The following FBXW8 variants were observed in gnomAD, a reference collection of about 807,000 sequenced individuals.
The protein encoded by FBXW8 is F-box/WD repeat-containing protein 8.
A neutral mutation model predicts 65.3 loss-of-function variants in FBXW8; 57 were observed. The observed-to-expected ratio is 0.87, with a 90% confidence interval of 0.71 to 1.09. FBXW8 has a LOEUF of 1.09. FBXW8 is among the 50% of genes least tolerant of loss of function. The pLI is 0.00. For missense variants in FBXW8, 777 were observed against 814.8 expected (o/e 0.95, Z 0.57); for synonymous variants, 308 against 330.2 (o/e 0.93, Z 0.73).
intron 5 of FBXW8, among the ~76,000 whole-genome samples, chr12:116,970,771 C>T (rs557225822): frequency 1.3e-5 from 2 of 152,184 alleles, no homozygotes; most frequent in African/African-American, 2.4e-5. Flanking sequence ...GCATTGCTTG[C>T]GAGAAGGCTA....
chr12:117,024,043 A>T (rs189868091), intron 8 of FBXW8, 104 bp from the exon 9 acceptor site: 1 of 1,210,242 alleles, frequency 8.3e-7, no homozygotes, highest in Admixed American at 2.3e-5. Context: ...GGAGTTTTTC[A>T]TAGCAGTGTT....
chr12:116,979,084 G>A (rs1231282011), intron 5 of FBXW8: 1 of 152,220 alleles, frequency 6.6e-6, no homozygotes, highest in Non-Finnish European at 1.5e-5. Flanking sequence ...TATGGTCCTT[G>A]TTCCCATGAC....
chr12:116,962,384 A>C (rs1004598418), intron 4 of FBXW8, among the ~76,000 whole-genome samples: 3 of 152,022 alleles, frequency 2.0e-5, no homozygotes, highest in Non-Finnish European at 4.4e-5. Flanking sequence ...TTTTGCTGTC[A>C]TTTTGGCTCC....
chr12:116,929,516 T>C (rs1447810252), intron 2 of FBXW8, among the ~76,000 whole-genome samples: 1 of 151,706 alleles, frequency 6.6e-6, no homozygotes, highest in Non-Finnish European at 1.5e-5. Context: ...ATTACAGGCA[T>C]GAGCCACTGG....
rs757400706 is a variant in FBXW8, at chr12:116,985,326, C to G, written c.956C>G (p.Ala319Gly). Residue 319 changes from alanine to glycine, a missense_variant, in exon 6 of 11, where the codon GCT (alanine) becomes GGT (glycine). Transcript: ENST00000652555. The stretch of plus-strand genomic sequence containing the variant: ...GATGCAACCGTGGCCACAGCTTCTG[C>G]TTTTGATGTCGTGATGTTATCCCCC... ...QDDATVATAS[A>G]FDVVMLSPNE... 144 of 1,614,112 alleles carry G rather than the reference C, an allele frequency of 8.9e-5. No homozygotes were observed. Among genetic ancestry groups the G allele is most frequent in the Non-Finnish European group, 1.2e-4 (139 of 1,180,050 alleles).
At chr12:117,007,439 G>A (rs1308309557) in intron 7 of FBXW8, among the ~76,000 whole-genome samples, 1 of 152,174 alleles carries the variant, frequency 6.6e-6, no homozygotes, top group African/African-American at 2.4e-5. Context: ...CCTCAACATG[G>A]TTTAGCTGTT....
At chr12:116,982,744 A>G (rs1273069515) in intron 5 of FBXW8, among the ~76,000 whole-genome samples, 3 of 152,088 alleles carry the variant, frequency 2.0e-5, no homozygotes, top group African/African-American at 4.8e-5. Context: ...AGCAAAGCCA[A>G]TACTTGATTA....
intron 7 of FBXW8, among the ~76,000 whole-genome samples, chr12:116,991,811 T>C (rs1392073030): frequency 6.6e-6 from 1 of 152,242 alleles, no homozygotes; most frequent in Non-Finnish European, 1.5e-5. Context: ...AAATTGACTT[T>C]TAGTCAGAAA....
At chr12:116,916,911 T>TGTGTGAGA (rs59006120) in intron 1 of FBXW8, among the ~76,000 whole-genome samples, 57,324 of 145,368 alleles carry the variant, frequency 0.39, 12,982 homozygotes, top group Admixed American at 0.58. Flanking sequence ...TGTGTGTGTG[T>TGTGTGAGA]GAGAGAGAGA....
At chr12:116,922,613 G>A (rs973301892) in intron 1 of FBXW8, among the ~76,000 whole-genome samples, 1 of 152,128 alleles carries the variant, frequency 6.6e-6, no homozygotes, top group Non-Finnish European at 1.5e-5. Flanking sequence ...ATTTCTAACA[G>A]TAAGGCACAA....
chr12:117,018,945 A>C (rs1160633354), intron 8 of FBXW8, among the ~76,000 whole-genome samples: 4 of 151,934 alleles, frequency 2.6e-5, no homozygotes, highest in Middle Eastern at 3.4e-3. Flanking sequence ...GATTAACCAA[A>C]TATGCACTGA....
At chr12:116,972,303 G>A (rs1270040897) in intron 5 of FBXW8, among the ~76,000 whole-genome samples, 5 of 152,160 alleles carry the variant, frequency 3.3e-5, no homozygotes, top group Non-Finnish European at 7.3e-5. Context: ...TGACAACTGA[G>A]CATGAATTTA....
chr12:116,958,032 T>A (rs910836790), intron 4 of FBXW8, among the ~76,000 whole-genome samples: 1 of 152,232 alleles, frequency 6.6e-6, no homozygotes, highest in Non-Finnish European at 1.5e-5. Flanking sequence ...CTCTGCATAA[T>A]CATCATTGAC....
intron 8 of FBXW8, 63 bp downstream of exon 8, chr12:117,010,513 C>T: frequency 3.7e-6 from 6 of 1,608,460 alleles, no homozygotes; most frequent in South Asian, 1.1e-5. Flanking sequence ...CCGGCCCCCA[C>T]TGCGCTGCTC....
chr12:116,985,470 C>T, intron 6 of FBXW8, 68 bp downstream of exon 6: 1 of 1,474,988 alleles, frequency 6.8e-7, no homozygotes, highest in Non-Finnish European at 9.2e-7. Flanking sequence ...TAAGCACGTA[C>T]TAATGGTGTT....
chr12:116,945,331 A>C, intron 2 of FBXW8, 33 bp from the exon 3 acceptor site: 1 of 1,589,922 alleles, frequency 6.3e-7, no homozygotes, highest in Non-Finnish European at 8.6e-7. Context: ...CTAATTGCAG[A>C]ATTTGACATT....
intron 1 of FBXW8, among the ~76,000 whole-genome samples, chr12:116,924,278 A>T (rs1023191476): frequency 6.7e-6 from 1 of 149,974 alleles, no homozygotes; most frequent in African/African-American, 2.5e-5. Flanking sequence ...TGGAACACTG[A>T]TAGCATCTTT....
At chr12:116,912,385 T>C (rs1880033686) in intron 1 of FBXW8, among the ~76,000 whole-genome samples, 1 of 151,146 alleles carries the variant, frequency 6.6e-6, no homozygotes, top group East Asian at 1.9e-4. Context: ...AGACAAGGTC[T>C]CCCTGTATTG....
chr12:117,023,157 T>C (rs1235443865), intron 8 of FBXW8, among the ~76,000 whole-genome samples: 1 of 152,190 alleles, frequency 6.6e-6, no homozygotes, highest in East Asian at 1.9e-4. Context: ...ACTTGGAAAA[T>C]TGACGTGTGT....
Sources: allele counts gnomAD v4.1 joint callset (sites outside exome capture counted in the v4.1 genomes callset), GRCh38; gene constraint gnomAD v4.1.1; transcripts MANE v1.5; gene names NCBI Gene and HGNC (gene_info 2026-07-23, HGNC 2026-07-21).